Variants in TMEM184C observed in about 807,000 individuals in gnomAD.
TMEM184C encodes the protein transmembrane protein 34.
A neutral mutation model predicts 54.5 loss-of-function variants in TMEM184C; 25 were observed. The ratio of observed to expected loss-of-function variants is 0.46; its 90% CI spans 0.33 to 0.64. The LOEUF is 0.64. Among genes scored for constraint, TMEM184C ranks in the 30% least tolerant of loss-of-function variants. TMEM184C has a pLI of 0.02. For missense variants in TMEM184C, 335 were observed against 520.3 expected, an observed-to-expected ratio of 0.64 and a Z score of 3.46; for synonymous variants, 148 against 181.5, an observed-to-expected ratio of 0.82 and a Z score of 1.49.
At chr4:147,628,926 A>G (rs1732862105) in intron 5 of TMEM184C, among the ~76,000 whole-genome samples, 1 of 152,200 alleles carries the variant, frequency 6.6e-6, no homozygotes. Flanking sequence ...AAATTCAAGA[A>G]CATCAAATAC....
chr4:147,623,732 C>A, intron 1 of TMEM184C, 102 bp from the exon 2 acceptor site: 1 of 1,146,464 alleles, frequency 8.7e-7, no homozygotes, highest in Non-Finnish European at 1.3e-6. Flanking sequence ...CCCACCTCGG[C>A]CTCCCCAAGT....
chr4:147,623,686 C>T (rs771669465), intron 1 of TMEM184C, 148 bp from the exon 2 acceptor site: 20 of 654,736 alleles, frequency 3.1e-5, no homozygotes, highest in Non-Finnish European at 5.1e-5. Flanking sequence ...TTTGTAGGCC[C>T]AGGCTGGTTT....
Position 147,632,465 on chromosome 4 carries a change from GATTTTT to G in TMEM184C, c.780-420_780-415del, listed in dbSNP as rs552475168. 557 of 154,370 alleles carry G rather than the reference GATTTTT, an allele frequency of 3.6e-3. 4 individuals carry two copies. Among genetic ancestry groups the G allele is most frequent in the African/African-American group, 0.012 (519 of 41,546 alleles). 9.6% of individuals were successfully genotyped at this position (154,370 alleles called of 1,614,324 possible). On this transcript the variant is annotated intron_variant, in intron 7 of 9. Transcript: ENST00000296582. Reference sequence around the variant, plus strand: ...TATTATTTTGTTTTGTGGAGGGGGTGATTTTTATTTTTATTTTTATTTTGCTTAGTA... The same window carrying G: ...TATTATTTTGTTTTGTGGAGGGGGTGATTTTTATTTTTATTTTGCTTAGTA...
chr4:147,629,853 TATATATCTTAATAC>T (rs939735439), intron 6 of TMEM184C, among the ~76,000 whole-genome samples, 161 bp downstream of exon 6: 2 of 151,580 alleles, frequency 1.3e-5, no homozygotes, highest in African/African-American at 4.8e-5. Flanking sequence ...AAAAATTTAA[TATATATCTTAATAC>T]ATATATAAAG....
At chr4:147,618,734 A>G (rs1462914718) in intron 1 of TMEM184C, among the ~76,000 whole-genome samples, 1 of 152,228 alleles carries the variant, frequency 6.6e-6, no homozygotes. Context: ...CTATAATAAG[A>G]CCATGACTAT....
rs2126556071 is a variant in TMEM184C at position 147,634,584 on chromosome 4, A to G, written c.*150A>G. ...GTACAACTACTGCATTTATATATGT[A>G]AGTTTTGTATATCAAAAATAATTGG... On this transcript the variant is annotated 3_prime_UTR_variant, in exon 10 of 10. Coordinates refer to ENST00000296582, the MANE Select transcript of TMEM184C (RefSeq NM_018241.3). 1 of 816,910 alleles carries G rather than the reference A, an allele frequency of 1.2e-6. No homozygotes were observed. Among genetic ancestry groups the G allele is most frequent in the Non-Finnish European group, 1.9e-6 (1 of 537,012 alleles). The allele number at this position is 816,910 out of a possible 1,614,324, so 50.6% of individuals were successfully genotyped here.
intron 4 of TMEM184C, 76 bp from the exon 5 acceptor site, chr4:147,628,285 T>C: frequency 8.6e-7 from 1 of 1,167,938 alleles, no homozygotes. Context: ...AAAGTGATTT[T>C]AATTTGGAGG....
At position 147,636,147 on chromosome 4, in the gene TMEM184C, G is replaced by A. The variant is rs566244104; in HGVS notation, c.*1713G>A. 2 of 151,944 alleles carry A rather than the reference G, an allele frequency of 1.3e-5. No homozygotes were observed. Among genetic ancestry groups the A allele is most frequent in the Admixed American group, 6.6e-5 (1 of 15,262 alleles). 9.4% of individuals were successfully genotyped at this position (151,944 alleles called of 1,614,324 possible). A position where few individuals can be genotyped will look rare whatever the true frequency, so the allele number is the denominator to read the frequency against. ...AAAAATCCTAAAATTCATATGTAAC[G>A]ATAAAAGACCCTGAATAGGCAAAAG... is the stretch of plus-strand genomic sequence containing the variant. On this transcript the variant is annotated 3_prime_UTR_variant, in exon 10 of 10. Coordinates refer to ENST00000296582, the MANE Select transcript of TMEM184C (RefSeq NM_018241.3).
Position 147,628,419 on chromosome 4 carries a change from A to G in TMEM184C, c.556A>G (p.Thr186Ala). 1 of 1,613,770 alleles carries G rather than the reference A, an allele frequency of 6.2e-7. No homozygotes were observed. Among genetic ancestry groups the G allele is most frequent in the Non-Finnish European group, 8.5e-7 (1 of 1,179,896 alleles). Residue 186 changes from threonine (T) to alanine (A), a missense_variant, in exon 5 of 10, where the codon ACC becomes GCC. Transcript: ENST00000296582. ...ACAGTACACAGTTGTCAGACCTTTC[A>G]CCACCATCGTTGCTTTGTAAGTACT... ...VLQYTVVRPF[T>A]TIVALICELL...
chr4:147,626,523 G>A (rs1407100066), intron 4 of TMEM184C, among the ~76,000 whole-genome samples: 1 of 152,190 alleles, frequency 6.6e-6, no homozygotes, highest in African/African-American at 2.4e-5. Flanking sequence ...ATAAGAATGG[G>A]TGCATTGCCT....
intron 1 of TMEM184C, among the ~76,000 whole-genome samples, 194 bp from the exon 2 acceptor site, chr4:147,623,637 ATTT>A (rs944235828): frequency 1.8e-4 from 16 of 86,826 alleles, no homozygotes; most frequent in Non-Finnish European, 4.3e-4. Flanking sequence ...ATTTTTTTCA[ATTT>A]TTTAATTTTT....
rs187999062 is a variant in TMEM184C at position 147,629,230 on chromosome 4, T to C, written c.573-369T>C. The stretch of plus-strand genomic sequence containing the variant: ...ATTAACAACTACAGTTATATACACC[T>C]GCATTATATTATGTTTAACAATCAA... On this transcript the variant is annotated intron_variant, in intron 5 of 9. Coordinates refer to ENST00000296582, the MANE Select transcript of TMEM184C (RefSeq NM_018241.3). Among the ~76,000 whole-genome samples the C allele has an allele frequency of 1.2e-3, 177 of 152,188 alleles. 1 individual carries two copies. The highest frequency in any genetic ancestry group is 7.2e-4 in the Non-Finnish European group (49 of 67,924).
chr4:147,620,894 C>T (rs1254346322), intron 1 of TMEM184C, among the ~76,000 whole-genome samples: 1 of 152,146 alleles, frequency 6.6e-6, no homozygotes, highest in Non-Finnish European at 1.5e-5. Context: ...ATCTAATGCT[C>T]AGAAAGATAT....
intron 4 of TMEM184C, among the ~76,000 whole-genome samples, chr4:147,626,672 C>T (rs1267518651): frequency 2.0e-5 from 3 of 152,134 alleles, no homozygotes; most frequent in African/African-American, 7.2e-5. Context: ...ATGTTGAGCA[C>T]CAAGTACGTG....
At chr4:147,632,598 G>A (rs1205617214) in intron 7 of TMEM184C, 4 of 275,072 alleles carry the variant, frequency 1.5e-5, no homozygotes, top group Admixed American at 4.7e-5. Flanking sequence ...ATATTCTTAT[G>A]TATACAACTA....
In TMEM184C at chr4:147,628,292, G is replaced by T. The variant is rs558291739; in HGVS notation, c.498-69G>T. The T allele has an allele frequency of 7.3e-6, 9 of 1,237,620 alleles. No homozygotes were observed. The South Asian group carries it at 1.2e-4, about 16-fold the overall frequency. The allele number at this position is 1,237,620 out of a possible 1,614,324, so 76.7% of individuals were successfully genotyped here. A position where few individuals can be genotyped will look rare whatever the true frequency, so the allele number is the denominator to read the frequency against. Reference sequence around the variant, plus strand: ...CATTCATCAAAGTGATTTTAATTTGGAGGCTTTGGGGAAAATCTGATGCTA... The same window carrying T: ...CATTCATCAAAGTGATTTTAATTTGTAGGCTTTGGGGAAAATCTGATGCTA... On this transcript the variant is annotated intron_variant, in intron 4 of 9. Coordinates refer to ENST00000296582, the MANE Select transcript of TMEM184C (RefSeq NM_018241.3).
chr4:147,623,771 C>T (rs899204730), intron 1 of TMEM184C, 63 bp from the exon 2 acceptor site: 1 of 1,544,510 alleles, frequency 6.5e-7, no homozygotes, highest in Admixed American at 1.7e-5. Flanking sequence ...AGGCACTGAG[C>T]CTGGCCAAGC....
chr4:147,631,594 G>A lies in TMEM184C; in HGVS notation c.779+89G>A, dbSNP rs77099794. On this transcript the variant is annotated intron_variant, in intron 7 of 9. Coordinates refer to ENST00000296582, the MANE Select transcript of TMEM184C (RefSeq NM_018241.3). ...GAGGATTTTTAAACAGTCTTAATGC[G>A]GAAGATAGATTAAAATGTCTCTACT... 52 of 876,240 alleles carry A rather than the reference G, an allele frequency of 5.9e-5. No homozygotes were observed. The East Asian group carries it at 6.2e-4, about 10-fold the overall frequency. The allele number at this position is 876,240 out of a possible 1,614,324, so 54.3% of individuals were successfully genotyped here. A position where few individuals can be genotyped will look rare whatever the true frequency, so the allele number is the denominator to read the frequency against.
chr4:147,629,001 G>C (rs1245344060), intron 5 of TMEM184C, among the ~76,000 whole-genome samples: 1 of 152,072 alleles, frequency 6.6e-6, no homozygotes, highest in African/African-American at 2.4e-5. Flanking sequence ...TGCTCACAGA[G>C]GAAAAGTGGA....
Sources: gnomAD v4.1 joint callset for allele counts (sites outside exome capture counted in the v4.1 genomes callset) on GRCh38, gnomAD v4.1.1 for gene constraint, MANE v1.5 for transcripts, NCBI Gene and HGNC (gene_info 2026-07-23, HGNC 2026-07-21) for gene names.